The following UNC13A variants were observed in gnomAD, a reference collection of about 807,000 sequenced individuals.
UNC13A encodes the protein protein unc-13 homolog A.
UNC13A carries 61 observed loss-of-function variants against 219.7 expected under a neutral mutation model. That is an observed-to-expected ratio of 0.28 (90% CI 0.23 to 0.34). UNC13A has a LOEUF of 0.34. Among genes scored for constraint, UNC13A ranks in the 10% least tolerant of loss-of-function variants. The pLI, the probability that UNC13A is intolerant of heterozygous loss-of-function variation, is 1.00. For missense variants in UNC13A, 1,476 were observed against 2,270.3 expected (o/e 0.65, Z 7.11); for synonymous variants, 920 against 884.6 (o/e 1.04, Z -0.71).
chr19:17,609,620 C>T (rs1307094641), intron 43 of UNC13A, among the ~76,000 whole-genome samples: 2 of 152,152 alleles, frequency 1.3e-5, no homozygotes, highest in East Asian at 3.9e-4. Context: ...CCAGCCCCAG[C>T]AATGGCCCTG....
chr19:17,684,000 G>A (rs1282300873), intron 1 of UNC13A, among the ~76,000 whole-genome samples: 1 of 152,180 alleles, frequency 6.6e-6, no homozygotes, highest in Non-Finnish European at 1.5e-5. Context: ...GGAGGCTGAG[G>A]CAGGAGGATC....
In UNC13A at chr19:17,605,745, T is replaced by A; in HGVS notation, c.*309A>T. 3.0e-6 allele frequency: 1 copy of A among 330,534 alleles called. No individual in the cohort carries two copies. 20.5% of individuals were successfully genotyped at this position (330,534 alleles called of 1,614,324 possible). ...ACCAGAGCCCCGGGATGTGGCCTCC[T>A]CCATAGGGACGAGGTTTCCCCCATC... On this transcript the variant is annotated 3_prime_UTR_variant, in exon 44 of 44. Transcript: ENST00000519716.
intron 26 of UNC13A, 49 bp from the exon 27 acceptor site, chr19:17,633,242 G>C (rs761566506): frequency 1.3e-6 from 2 of 1,565,640 alleles, no homozygotes; most frequent in South Asian, 1.1e-5. Context: ...AAGGCAGATG[G>C]GATGGGCTGC....
At chr19:17,610,371 C>T (rs1288422668) in intron 42 of UNC13A, among the ~76,000 whole-genome samples, 1 of 152,140 alleles carries the variant, frequency 6.6e-6, no homozygotes, top group Non-Finnish European at 1.5e-5. Flanking sequence ...GGGGCTAAAG[C>T]AGGAGGATTG....
intron 5 of UNC13A, among the ~76,000 whole-genome samples, chr19:17,668,948 A>G (rs2079720937): frequency 6.6e-6 from 1 of 152,106 alleles, no homozygotes; most frequent in South Asian, 2.1e-4. Context: ...GAAACCCAGC[A>G]CCATGCCTGG....
Position 17,674,796 on chromosome 19 carries a change from G to T in UNC13A, c.53-40C>A, listed in dbSNP as rs1362409992. On this transcript the variant is annotated intron_variant, in intron 2 of 43. Coordinates refer to ENST00000519716, the MANE Select transcript of UNC13A (RefSeq NM_001080421.3). The surrounding 1 kb of genome is among the most constrained non-coding windows in gnomAD (Gnocchi z 5.0). ...GTAGGGGTCAGCGCTGGGGCTCAGG[G>T]ACTCTCCAATGCCCCTTCCCAAGCT... 1 of 1,544,682 alleles carries T rather than the reference G, an allele frequency of 6.5e-7. No homozygotes were observed.
intron 41 of UNC13A, among the ~76,000 whole-genome samples, chr19:17,614,867 C>A (rs1170508082): frequency 6.6e-6 from 1 of 152,174 alleles, no homozygotes; most frequent in African/African-American, 2.4e-5. Context: ...AAGCTCAATC[C>A]GGGCCAGACT....
At chr19:17,619,442 T>C (rs982962230) in intron 38 of UNC13A, among the ~76,000 whole-genome samples, 12 of 144,558 alleles carry the variant, frequency 8.3e-5, no homozygotes, top group Admixed American at 3.3e-4. Context: ...TCTTTTCTTT[T>C]TTTTTTTTTT....
At chr19:17,609,463 T>A (rs2076578493) in intron 43 of UNC13A, among the ~76,000 whole-genome samples, 1 of 151,982 alleles carries the variant, frequency 6.6e-6, no homozygotes, top group Non-Finnish European at 1.5e-5. Flanking sequence ...CTCCTCCAGA[T>A]GGGCTGCCCC....
At position 17,649,245 on chromosome 19, in the gene UNC13A, T is replaced by A; in HGVS notation, c.1524+94A>T. The A allele has an allele frequency of 6.6e-7, 1 of 1,521,194 alleles. No homozygotes were observed. The highest frequency in any genetic ancestry group is 8.8e-7 in the Non-Finnish European group (1 of 1,132,998). 94.2% of individuals were successfully genotyped at this position (1,521,194 alleles called of 1,614,324 possible). A position where few individuals can be genotyped will look rare whatever the true frequency, so the allele number is the denominator to read the frequency against. On this transcript the variant is annotated intron_variant, in intron 14 of 43. Transcript: ENST00000519716. This position sits in a 1 kb window ranked among gnomAD's most constrained non-coding sequence, Gnocchi z 4.4. ...CCAACACAGTGGGACATGGCAAGGT[T>A]CCCCCATAATCCATGAATTGGGGGC...
intron 41 of UNC13A, among the ~76,000 whole-genome samples, chr19:17,612,826 C>T (rs1485019235): frequency 6.6e-6 from 1 of 152,084 alleles, no homozygotes; most frequent in East Asian, 1.9e-4. Context: ...ACCTGGGTGA[C>T]AGAGCAAGAC....
chr19:17,647,296 C>T lies in UNC13A; in HGVS notation c.2013G>A (p.Thr671=), dbSNP rs1487872765. 3 of 1,598,668 alleles carry T rather than the reference C, an allele frequency of 1.9e-6. No individual in the cohort carries two copies. Among genetic ancestry groups the T allele is most frequent in the East Asian group, 2.3e-5 (1 of 44,188 alleles). Residue 671 remains threonine, a synonymous_variant, in exon 17 of 44, where the codon ACG becomes ACA. Transcript: ENST00000519716. ...KAVKQSVLDG[T]SKWSAKISIT... is the part of the protein sequence containing the mutation. ...TGCTGATCTTGGCGGACCACTTGGA[C>T]GTGCCGTCCAGCACGCTCTGCTTGA...
intron 2 of UNC13A, among the ~76,000 whole-genome samples, chr19:17,675,540 G>A (rs1316606393): frequency 6.6e-6 from 1 of 150,432 alleles, no homozygotes; most frequent in Non-Finnish European, 1.5e-5. Context: ...GCTGAGGCAG[G>A]AGAATTGCTT....
chr19:17,660,794 A>G (rs1243755215), intron 8 of UNC13A, among the ~76,000 whole-genome samples: 1 of 151,904 alleles, frequency 6.6e-6, no homozygotes, highest in African/African-American at 2.4e-5. Flanking sequence ...GGCCTCCCAA[A>G]GTGCTGGGAT....
rs1042029082 is a variant in UNC13A at position 17,639,493 on chromosome 19, G to A, written c.2889C>T (p.Leu963=). 7 of 1,613,546 alleles carry A rather than the reference G, an allele frequency of 4.3e-6. 1 individual carries two copies. The highest frequency in any genetic ancestry group is 3.3e-5 in the South Asian group (3 of 91,010). ...GGTCCACAGTGGATTTGAGGTCCTG[G>A]AGTCTCTCCGGGCTGCTGGCTGGGA... The part of the protein sequence containing the change: ...NNFPASSPER[L]QDLKSTVDLL... The change falls in exon 24 of 44, where the codon CTC becomes CTT. Residue 963 remains leucine (L), a synonymous_variant. Coordinates refer to ENST00000519716, the MANE Select transcript of UNC13A (RefSeq NM_001080421.3).
intron 1 of UNC13A, among the ~76,000 whole-genome samples, chr19:17,680,588 C>T (rs1389536199): frequency 1.3e-5 from 2 of 152,042 alleles, no homozygotes; most frequent in African/African-American, 4.8e-5. Flanking sequence ...TGCGGGACAC[C>T]CCTGCAGCCT....
chr19:17,639,243 C>T lies in UNC13A; in HGVS notation c.2947-26G>A, dbSNP rs144496300. ...CTGAAGGGAGGGAGAGAGGCATAGG[C>T]GGCCACAGCTGTGACAGGAGGTCCC... On this transcript the variant is annotated intron_variant, in intron 24 of 43. Coordinates refer to ENST00000519716, the MANE Select transcript of UNC13A (RefSeq NM_001080421.3). 5.6e-4 allele frequency: 910 copies of T among 1,612,818 alleles called. 3 individuals carry two copies. In the African/African-American group the frequency reaches 9.7e-3, roughly 17 times the overall value.
chr19:17,628,194 T>G (rs1008215525), intron 31 of UNC13A: 11 of 533,578 alleles, frequency 2.1e-5, no homozygotes, highest in Non-Finnish European at 3.4e-5. Flanking sequence ...TGGTGGGGGG[T>G]CCATGAGAGG....
In UNC13A at chr19:17,639,484, G is replaced by A; in HGVS notation, c.2898C>T (p.Leu966=). The change falls in exon 24 of 44, where the codon CTC becomes CTT. Residue 966 remains leucine, a synonymous_variant. Coordinates refer to ENST00000519716, the MANE Select transcript of UNC13A (RefSeq NM_001080421.3). ...TGGTGAGAAGGTCCACAGTGGATTTGAGGTCCTGGAGTCTCTCCGGGCTGC... is the reference window on the plus strand; with the variant it reads ...TGGTGAGAAGGTCCACAGTGGATTTAAGGTCCTGGAGTCTCTCCGGGCTGC... ...PASSPERLQD[L]KSTVDLLTSI... 2 of 1,613,582 alleles carry A rather than the reference G, an allele frequency of 1.2e-6. No individual in the cohort carries two copies. The highest frequency in any genetic ancestry group is 1.7e-6 in the Non-Finnish European group (2 of 1,179,840).
Sources: allele counts gnomAD v4.1 joint callset (sites outside exome capture counted in the v4.1 genomes callset), GRCh38; gene constraint gnomAD v4.1.1; non-coding constraint Gnocchi (gnomAD v3.1); transcripts MANE v1.5; gene names NCBI Gene and HGNC (gene_info 2026-07-23, HGNC 2026-07-21).